VCP: variants seen among roughly 807,000 people sequenced by gnomAD.
VCP encodes the protein valosin containing protein.
VCP carries 6 observed loss-of-function variants against 85.7 expected under a neutral mutation model. The ratio of observed to expected loss-of-function variants is 0.07; its 90% CI spans 0.04 to 0.14. The LOEUF (loss-of-function observed/expected upper bound fraction) is 0.14. Ranked by LOEUF, VCP falls within the 10% of genes least tolerant of loss-of-function variation. VCP has a pLI of 1.00. For missense variants in VCP, 353 were observed against 1,043.4 expected (o/e 0.34, Z 9.12); for synonymous variants, 384 against 367.1 (o/e 1.05, Z -0.53).
chr9:35,060,006 CCTA>C (rs1828690064), intron 13 of VCP: 1 of 686,888 alleles, frequency 1.5e-6, no homozygotes, highest in Admixed American at 2.8e-5. Flanking sequence ...GTGACGCATG[CCTA>C]TAGTCCCAGC....
chr9:35,057,746 TC>T (rs1828639547), intron 15 of VCP: 1 of 634,566 alleles, frequency 1.6e-6, no homozygotes, highest in Non-Finnish European at 2.8e-6. Flanking sequence ...AGAAATCACA[TC>T]AGTGATGGGG....
intron 1 of VCP, 58 bp downstream of exon 1, chr9:35,072,279 T>G (rs1172313292): frequency 1.3e-6 from 2 of 1,484,950 alleles, no homozygotes; most frequent in African/African-American, 2.9e-5. Flanking sequence ...GGGCCTACCC[T>G]GCGCGGCTGG....
At chr9:35,065,872 T>A (rs1828818747) in intron 4 of VCP, among the ~76,000 whole-genome samples, 1 of 152,106 alleles carries the variant, frequency 6.6e-6, no homozygotes, top group Admixed American at 6.5e-5. Context: ...TACAAATATA[T>A]GAAAATGAGT....
At chr9:35,061,865 T>G (rs973937346) in intron 9 of VCP, 138 bp downstream of exon 9, 1 of 1,531,946 alleles carries the variant, frequency 6.5e-7, no homozygotes, top group Non-Finnish European at 8.9e-7. Flanking sequence ...TTGGTCACTC[T>G]AGACAGGACG....
intron 1 of VCP, among the ~76,000 whole-genome samples, chr9:35,071,107 T>G (rs1476598162): frequency 6.6e-6 from 1 of 152,170 alleles, no homozygotes; most frequent in Admixed American, 6.5e-5. Context: ...ATTTTTACTT[T>G]TGAAAATAAG....
At chr9:35,066,926 C>G in intron 3 of VCP, 109 bp from the exon 4 acceptor site, 1 of 1,565,576 alleles carries the variant, frequency 6.4e-7, no homozygotes, top group South Asian at 1.1e-5. Context: ...AAAGAAAAGG[C>G]AGGATGGCTT....
Position 35,059,570 on chromosome 9 carries a change from T to C in VCP, c.1927A>G (p.Ile643Val), listed in dbSNP as rs1207909368. The C allele has an allele frequency of 6.2e-7, 1 of 1,614,156 alleles. No individual in the cohort carries two copies. The highest frequency in any genetic ancestry group is 1.1e-5 in the South Asian group (1 of 91,088). The stretch of plus-strand genomic sequence containing the variant: ...TTCTCATCAGGAAGTGGGATGTAGA[T>C]GAGCTGATCAAGACGGCCAGGTCTG... The part of the protein sequence containing the change: ...ILRPGRLDQL[I>V]YIPLPDEKSR... Residue 643 changes from isoleucine to valine, a missense_variant, in exon 14 of 17, where the codon ATC (isoleucine) becomes GTC (valine). Ile to Val is a conservative substitution (Grantham distance 29). This residue lies in a region of VCP where 30 missense variants were observed against 192.3 expected (regional missense o/e 0.16). Coordinates refer to ENST00000358901, the MANE Select transcript of VCP (RefSeq NM_007126.5). This position sits in a 1 kb window ranked among gnomAD's most constrained non-coding sequence, Gnocchi z 4.9.
At position 35,057,230 on chromosome 9, in the gene VCP, C is replaced by A; in HGVS notation, c.2316-8G>T. On this transcript the variant is annotated splice_polypyrimidine_tract_variant and splice_region_variant and intron_variant, in intron 16 of 16. Coordinates refer to ENST00000358901, the MANE Select transcript of VCP (RefSeq NM_007126.5). ...TGGTTCCCTGAAGGGAATCTGTGTA[C>A]AAGAGCAAAGCCAAAAAAGAGGGTT... is the stretch of plus-strand genomic sequence containing the variant. 1 of 1,614,202 alleles carries A rather than the reference C, an allele frequency of 6.2e-7. No homozygotes were observed. Among genetic ancestry groups the A allele is most frequent in the Non-Finnish European group, 8.5e-7 (1 of 1,180,042 alleles).
intron 1 of VCP, chr9:35,071,951 G>C: frequency 1.0e-5 from 11 of 1,052,220 alleles, no homozygotes; most frequent in Non-Finnish European, 1.3e-5. Context: ...AAAGGCTTTC[G>C]GCGGGTGGTA....
In VCP at chr9:35,060,930, A is replaced by G. The variant is rs1045967193; in HGVS notation, c.1360-7T>C. On this transcript the variant is annotated splice_region_variant and splice_polypyrimidine_tract_variant and intron_variant, in intron 11 of 16. Transcript: ENST00000358901. ...TACTCTGGCTCAAGGCCCACTAGAAAAGGAGGGAAAACTGGGGATGAGACT... is the reference window on the plus strand; with the variant it reads ...TACTCTGGCTCAAGGCCCACTAGAAGAGGAGGGAAAACTGGGGATGAGACT... 2 of 1,614,066 alleles carry G rather than the reference A, an allele frequency of 1.2e-6. No individual in the cohort carries two copies. The highest frequency in any genetic ancestry group is 2.7e-5 in the African/African-American group (2 of 74,920).
At chr9:35,070,436 T>C (rs1478841410) in intron 1 of VCP, among the ~76,000 whole-genome samples, 3 of 152,118 alleles carry the variant, frequency 2.0e-5, no homozygotes, top group Non-Finnish European at 1.5e-5. Context: ...CTAGTCACCA[T>C]AGTTTTTTAT....
intron 2 of VCP, 64 bp from the exon 3 acceptor site, chr9:35,068,127 A>G: frequency 3.7e-6 from 6 of 1,611,592 alleles, no homozygotes; most frequent in Non-Finnish European, 5.1e-6. Context: ...GCAGCCCTGG[A>G]GATTGGGATT....
At chr9:35,062,428 G>C in intron 7 of VCP, 78 bp from the exon 8 acceptor site, 3 of 1,607,056 alleles carry the variant, frequency 1.9e-6, no homozygotes, top group Non-Finnish European at 1.7e-6. Flanking sequence ...TATCTTGCTT[G>C]TTTGGCCCAG....
intron 10 of VCP, 89 bp downstream of exon 10, chr9:35,061,488 C>G (rs1828719584): frequency 1.6e-6 from 2 of 1,273,762 alleles, no homozygotes; most frequent in Middle Eastern, 1.9e-4. Context: ...AAACCCATCT[C>G]CTCACATCTT....
At chr9:35,069,355 A>G (rs1828893767) in intron 1 of VCP, among the ~76,000 whole-genome samples, 2 of 152,046 alleles carry the variant, frequency 1.3e-5, no homozygotes, top group Admixed American at 6.5e-5. Flanking sequence ...ATTTCCTAGA[A>G]GCTAGGATCA....
At chr9:35,064,329 T>C in intron 5 of VCP, 44 bp from the exon 6 acceptor site, 2 of 1,610,934 alleles carry the variant, frequency 1.2e-6, no homozygotes, top group East Asian at 2.2e-5. Context: ...AAGAATATTA[T>C]ATCAGCAAAA....
chr9:35,060,561 C>T lies in VCP; in HGVS notation c.1483-36G>A, dbSNP rs766228683. The T allele has an allele frequency of 1.2e-5, 20 of 1,604,174 alleles. No individual in the cohort carries two copies. In the South Asian group the frequency reaches 1.9e-4, roughly 15 times the overall value. On this transcript the variant is annotated intron_variant, in intron 12 of 16. Transcript: ENST00000358901. ...AAGGAAAGAGGGTTCAAGGCTACCT[C>T]CACATTTTGAAAGAAACCTAACTAA...
chr9:35,061,229 C>T (rs1563977425), intron 10 of VCP, 50 bp from the exon 11 acceptor site: 2 of 1,610,450 alleles, frequency 1.2e-6, no homozygotes, highest in Non-Finnish European at 1.7e-6. Flanking sequence ...CCAGCTGCTG[C>T]AGGAGGCTCA....
chr9:35,070,780 C>T (rs1309804945), intron 1 of VCP, among the ~76,000 whole-genome samples: 2 of 152,210 alleles, frequency 1.3e-5, no homozygotes, highest in Admixed American at 6.5e-5. Flanking sequence ...AGGAAAACCT[C>T]CATTCTGCCT....
Sources: gnomAD v4.1 joint callset for allele counts (sites outside exome capture counted in the v4.1 genomes callset) on GRCh38, gnomAD v4.1.1 for gene constraint, gnomAD v4.1.1 regional missense constraint, Gnocchi (gnomAD v3.1) non-coding constraint, MANE v1.5 for transcripts, NCBI Gene and HGNC (gene_info 2026-07-23, HGNC 2026-07-21) for gene names.